The following FRMD4A variants were observed in gnomAD, a reference collection of about 807,000 sequenced individuals.
FRMD4A encodes the protein FERM domain-containing protein 4A.
In FRMD4A, 29 loss-of-function variants were observed where a neutral mutation model predicts 129.1. The observed-to-expected ratio is 0.22, with a 90% CI of 0.17 to 0.31. FRMD4A has a LOEUF of 0.31. FRMD4A is among the 10% of genes least tolerant of loss of function. The probability of loss-of-function intolerance (pLI) is 1.00; values close to 1 mark genes in which losing one functional copy is unlikely to be tolerated. For synonymous variants in FRMD4A, 634 were observed against 571.6 expected (o/e 1.11, Z -1.56); for missense variants, 1,272 against 1,375.8 (o/e 0.92, Z 1.19).
chr10:14,252,313 A>T (rs1015034700), intron 2 of FRMD4A, among the ~76,000 whole-genome samples: 4 of 152,254 alleles, frequency 2.6e-5, no homozygotes, highest in African/African-American at 9.6e-5. Context: ...CGATATTATC[A>T]TCTAATCTAC....
chr10:13,865,194 G>A (rs2094349238), intron 2 of FRMD4A, among the ~76,000 whole-genome samples: 1 of 152,060 alleles, frequency 6.6e-6, no homozygotes, highest in Non-Finnish European at 1.5e-5. Context: ...GGATAAAATA[G>A]CGTCTACCTC....
chr10:13,987,416 T>C (rs576154347), intron 2 of FRMD4A, among the ~76,000 whole-genome samples: 2 of 152,108 alleles, frequency 1.3e-5, no homozygotes, highest in Non-Finnish European at 2.9e-5. Context: ...CCTTCCACCA[T>C]GAGGGCCCAC....
At chr10:14,196,602 T>C (rs562839771) in intron 2 of FRMD4A, among the ~76,000 whole-genome samples, 39 of 152,258 alleles carry the variant, frequency 2.6e-4, no homozygotes, top group Non-Finnish European at 4.8e-4. Context: ...ACATAATTCC[T>C]AGATATGGAT....
chr10:13,755,357 C>T (rs2091815830), intron 8 of FRMD4A, among the ~76,000 whole-genome samples: 1 of 152,098 alleles, frequency 6.6e-6, no homozygotes, highest in African/African-American at 2.4e-5. Context: ...AAAGGCAGAA[C>T]AGATTTCAAA....
chr10:14,121,091 G>C (rs1838485521), intron 2 of FRMD4A, among the ~76,000 whole-genome samples: 1 of 152,168 alleles, frequency 6.6e-6, no homozygotes, highest in South Asian at 2.1e-4. Context: ...ATTCTGGCCG[G>C]GTGTGGTGGC....
chr10:14,117,164 T>A (rs986368603), intron 2 of FRMD4A, among the ~76,000 whole-genome samples: 2 of 152,386 alleles, frequency 1.3e-5, no homozygotes, highest in Non-Finnish European at 2.9e-5. Flanking sequence ...ATGAGGAAGT[T>A]TGTCTTGGTG....
intron 2 of FRMD4A, among the ~76,000 whole-genome samples, chr10:14,142,126 A>T (rs1186051092): frequency 6.6e-6 from 1 of 151,838 alleles, no homozygotes; most frequent in Non-Finnish European, 1.5e-5. Context: ...TTTATTTTAA[A>T]AAAAAAGCTG....
chr10:13,924,717 T>C (rs2095110214), intron 2 of FRMD4A, among the ~76,000 whole-genome samples: 1 of 152,168 alleles, frequency 6.6e-6, no homozygotes, highest in Admixed American at 6.5e-5. Flanking sequence ...TTCCTGAGCA[T>C]GGGCACGGAC....
intron 9 of FRMD4A, 60 bp downstream of exon 9, chr10:13,747,676 C>T (rs2091359989): frequency 1.1e-6 from 1 of 885,394 alleles, no homozygotes. Context: ...ATTCAGTTGT[C>T]CTGTGTCCCC....
rs535893848 is a variant in FRMD4A at position 13,952,216 on chromosome 10, G to C, written c.46-93304C>G. On this transcript the variant is annotated intron_variant, in intron 2 of 24. Coordinates refer to ENST00000357447, the MANE Select transcript of FRMD4A (RefSeq NM_018027.5). ...TTATTATTTTTTAAATGGAGTGGCT[G>C]CCTGGGCGTGGTGGCTCATGTCTGT... 2.0e-3 allele frequency among the ~76,000 whole-genome samples: 305 copies of C among 151,642 alleles called. 1 individual carries two copies. Among genetic ancestry groups the C allele is most frequent in the Admixed American group, 5.0e-3 (76 of 15,220 alleles).
chr10:13,735,320 G>T (rs749463332), intron 12 of FRMD4A, among the ~76,000 whole-genome samples: 20 of 152,198 alleles, frequency 1.3e-4, no homozygotes, highest in Non-Finnish European at 2.4e-4. Flanking sequence ...ACCCAGTTTG[G>T]GTTAGAGACA....
chr10:13,764,017 G>A (rs990518519), intron 6 of FRMD4A, among the ~76,000 whole-genome samples: 1 of 152,128 alleles, frequency 6.6e-6, no homozygotes, highest in Non-Finnish European at 1.5e-5. Context: ...TTACAGGCAT[G>A]AGCCACTGCA....
At chr10:14,049,459 C>A (rs1254092101) in intron 2 of FRMD4A, among the ~76,000 whole-genome samples, 1 of 152,312 alleles carries the variant, frequency 6.6e-6, no homozygotes, top group South Asian at 2.1e-4. Flanking sequence ...GAATTCCCCA[C>A]AGTTTGGGTT....
At position 13,705,627 on chromosome 10, in the gene FRMD4A, C is replaced by T. The variant is rs1378231661; in HGVS notation, c.836+1410G>A. On this transcript the variant is annotated intron_variant, in intron 13 of 24. Coordinates refer to ENST00000357447, the MANE Select transcript of FRMD4A (RefSeq NM_018027.5). The stretch of plus-strand genomic sequence containing the variant: ...CAATTCAGTTCACCTGGAAAATGAA[C>T]AGTGAGTTTCTTCTTGGCTGGAATC... Among the ~76,000 whole-genome samples the T allele has an allele frequency of 2.0e-5, 3 of 152,184 alleles. No homozygotes were observed. The East Asian group carries it at 5.8e-4, about 29-fold the overall frequency.
intron 2 of FRMD4A, among the ~76,000 whole-genome samples, chr10:13,913,223 C>G (rs1417738535): frequency 6.6e-6 from 1 of 152,090 alleles, no homozygotes; most frequent in Non-Finnish European, 1.5e-5. Context: ...ATGAAATGTG[C>G]AGAATAGACA....
intron 12 of FRMD4A, among the ~76,000 whole-genome samples, chr10:13,715,053 A>T (rs200671121): frequency 1.6e-4 from 4 of 24,300 alleles, no homozygotes; most frequent in African/African-American, 2.5e-4. Flanking sequence ...ATAAAAAATT[A>T]AAAAAAAAAA....
intron 2 of FRMD4A, among the ~76,000 whole-genome samples, chr10:13,886,615 C>A (rs1185461587): frequency 6.6e-6 from 1 of 152,110 alleles, no homozygotes; most frequent in Non-Finnish European, 1.5e-5. Flanking sequence ...GGTTCTCCCT[C>A]TGTTGCCCAG....
At chr10:14,142,696 C>T (rs1839895302) in intron 2 of FRMD4A, among the ~76,000 whole-genome samples, 1 of 152,192 alleles carries the variant, frequency 6.6e-6, no homozygotes. Flanking sequence ...AAGAGAAGTA[C>T]TTAAAGCCAG....
chr10:13,762,526 A>C, intron 7 of FRMD4A, 98 bp downstream of exon 7: 1 of 720,544 alleles, frequency 1.4e-6, no homozygotes. Context: ...GACGACAAAT[A>C]GTGAGTAGAT....
Sources: allele counts gnomAD v4.1 joint callset (sites outside exome capture counted in the v4.1 genomes callset), GRCh38; gene constraint gnomAD v4.1.1; transcripts MANE v1.5; gene names NCBI Gene and HGNC (gene_info 2026-07-23, HGNC 2026-07-21).